The following NALF1 variants were observed in gnomAD, a reference collection of about 807,000 sequenced individuals.
NALF1 encodes the protein family with sequence similarity 155 member A.
Under a neutral mutation model 48.4 loss-of-function variants are expected in NALF1, and 3 were observed. The ratio of observed to expected loss-of-function variants is 0.06; its 90% CI spans 0.03 to 0.16. The LOEUF (loss-of-function observed/expected upper bound fraction) is 0.16, where lower values mean the gene tolerates loss of function less well. Among genes scored for constraint, NALF1 ranks in the 10% least tolerant of loss-of-function variants. The probability of loss-of-function intolerance (pLI) is 1.00; values close to 1 mark genes in which losing one functional copy is unlikely to be tolerated. For synonymous variants in NALF1, 262 were observed against 245.7 expected, an observed-to-expected ratio of 1.07 and a Z score of -0.62; for missense variants, 526 against 571.5, an observed-to-expected ratio of 0.92 and a Z score of 0.81.
chr13:107,568,177 C>T (rs1006596731), intron 1 of NALF1, among the ~76,000 whole-genome samples: 2 of 152,124 alleles, frequency 1.3e-5, no homozygotes, highest in African/African-American at 4.8e-5. Context: ...GATGGAGTCT[C>T]ACCATGGTGC....
At chr13:107,533,115 GAA>G (rs959994310) in intron 1 of NALF1, among the ~76,000 whole-genome samples, 1 of 151,948 alleles carries the variant, frequency 6.6e-6, no homozygotes, top group Non-Finnish European at 1.5e-5. Context: ...ATATCCCCAC[GAA>G]AAGAGAGTTA....
chr13:107,810,458 A>G (rs1478097795), intron 1 of NALF1, among the ~76,000 whole-genome samples: 1 of 152,034 alleles, frequency 6.6e-6, no homozygotes, highest in Non-Finnish European at 1.5e-5. Context: ...ACTACCTGTC[A>G]TCACCTCTAT....
rs183932595 is a variant in NALF1, at chr13:107,417,698, A to T, written c.916-206943T>A. On this transcript the variant is annotated intron_variant, in intron 1 of 2. Transcript: ENST00000375915. ...TCCTGTTTCGTAATATCACCAATGT[A>T]TTAAATGGAAGGATTTTTAAGAATT... 5.7e-4 allele frequency among the ~76,000 whole-genome samples: 87 copies of T among 152,252 alleles called. 1 individual carries two copies. Among genetic ancestry groups the T allele is most frequent in the Non-Finnish European group, 1.1e-3 (72 of 68,016 alleles).
intron 1 of NALF1, among the ~76,000 whole-genome samples, chr13:107,738,573 T>C (rs1385134477): frequency 1.3e-5 from 2 of 152,208 alleles, no homozygotes; most frequent in Non-Finnish European, 2.9e-5. Flanking sequence ...TAAAAGTAGA[T>C]TATTAAAAAC....
intron 1 of NALF1, among the ~76,000 whole-genome samples, chr13:107,470,024 T>C (rs532469658): frequency 6.6e-6 from 1 of 152,078 alleles, no homozygotes; most frequent in East Asian, 1.9e-4. Context: ...ATTACAGGCA[T>C]GAGCCACCAC....
At chr13:107,419,569 G>C (rs1223331034) in intron 1 of NALF1, among the ~76,000 whole-genome samples, 2 of 152,186 alleles carry the variant, frequency 1.3e-5, no homozygotes, top group Non-Finnish European at 2.9e-5. Context: ...TGAGGCACAG[G>C]TGGAAGTCCC....
At chr13:107,830,553 C>T (rs1446134985) in intron 1 of NALF1, among the ~76,000 whole-genome samples, 2 of 152,200 alleles carry the variant, frequency 1.3e-5, no homozygotes, top group Non-Finnish European at 2.9e-5. Flanking sequence ...CACATCTTTT[C>T]ATGTCTTTTG....
chr13:107,252,650 C>T (rs1451540699), intron 1 of NALF1, among the ~76,000 whole-genome samples: 1 of 152,144 alleles, frequency 6.6e-6, no homozygotes. Flanking sequence ...ATCACTAAGG[C>T]CAGTCCACAC....
chr13:107,427,045 T>G (rs9301226), intron 1 of NALF1, among the ~76,000 whole-genome samples: 32,384 of 151,656 alleles, frequency 0.21, 3,920 homozygotes, highest in Non-Finnish European at 0.27. Context: ...TTACCCCAAT[T>G]ATTATTATAT....
intron 1 of NALF1, among the ~76,000 whole-genome samples, chr13:107,513,800 T>G (rs1875971269): frequency 6.6e-6 from 1 of 152,136 alleles, no homozygotes; most frequent in African/African-American, 2.4e-5. Context: ...TAGAAAGAAT[T>G]TTGAGCTGAA....
intron 1 of NALF1, among the ~76,000 whole-genome samples, chr13:107,340,439 C>CCTTTCTCTTTCTTTCTTT (rs1882650682): frequency 9.0e-6 from 1 of 111,242 alleles, no homozygotes; most frequent in Non-Finnish European, 1.9e-5. Context: ...CGGCGCCTGA[C>CCTTTCTCTTTCTTTCTTT]CTTTCTCTTT....
chr13:107,460,257 T>C (rs1884896646), intron 1 of NALF1, among the ~76,000 whole-genome samples: 1 of 152,166 alleles, frequency 6.6e-6, no homozygotes, highest in African/African-American at 2.4e-5. Flanking sequence ...AACCTCCACA[T>C]TTGTCCCCAA....
intron 1 of NALF1, chr13:107,788,923 A>G (rs940202865): frequency 1.3e-5 from 2 of 152,202 alleles, no homozygotes; most frequent in Admixed American, 1.3e-4. Context: ...GGTTGGCCAT[A>G]ATAGAAAGCA....
intron 2 of NALF1, among the ~76,000 whole-genome samples, chr13:107,171,889 A>AT (rs1393653211): frequency 1.3e-5 from 2 of 152,208 alleles, no homozygotes; most frequent in African/African-American, 4.8e-5. Context: ...ATTACATGAG[A>AT]TTTTTCATGT....
At chr13:107,773,866 C>T (rs543145014) in intron 1 of NALF1, among the ~76,000 whole-genome samples, 2 of 151,958 alleles carry the variant, frequency 1.3e-5, no homozygotes, top group African/African-American at 2.4e-5. Context: ...TACCTTAAAA[C>T]ATAAAGTATA....
chr13:107,446,497 A>G (rs185924547), intron 1 of NALF1, among the ~76,000 whole-genome samples: 509 of 152,226 alleles, frequency 3.3e-3, no homozygotes, highest in Non-Finnish European at 4.5e-3. Context: ...TCTAGAATTT[A>G]ACATACTATG....
At position 107,444,918 on chromosome 13, in the gene NALF1, A is replaced by AT. The variant is rs930980943; in HGVS notation, c.916-234164dup. Among the ~76,000 whole-genome samples the AT allele has an allele frequency of 5.3e-4, 81 of 152,230 alleles. 1 individual carries two copies. The highest frequency in any genetic ancestry group is 1.3e-3 in the African/African-American group (56 of 41,524). On this transcript the variant is annotated intron_variant, in intron 1 of 2. Transcript: ENST00000375915. ...TACTCCTACAAACACAGTTGCAGAAATTTTTTTTATATTTTGAAATAATTA... is the reference window on the plus strand; with the variant it reads ...TACTCCTACAAACACAGTTGCAGAAATTTTTTTTTATATTTTGAAATAATTA...
At chr13:107,757,193 G>T (rs890592073) in intron 1 of NALF1, among the ~76,000 whole-genome samples, 3 of 152,144 alleles carry the variant, frequency 2.0e-5, no homozygotes, top group Non-Finnish European at 2.9e-5. Context: ...ACACAGGAAG[G>T]TGTGAAAAGT....
chr13:107,575,106 C>T (rs958380325), intron 1 of NALF1, among the ~76,000 whole-genome samples: 4 of 151,936 alleles, frequency 2.6e-5, no homozygotes, highest in Admixed American at 6.6e-5. Flanking sequence ...CAAGGCCCAC[C>T]GTGAAATTCC....
Sources: gnomAD v4.1 joint callset for allele counts (sites outside exome capture counted in the v4.1 genomes callset) on GRCh38, gnomAD v4.1.1 for gene constraint, MANE v1.5 for transcripts, NCBI Gene and HGNC (gene_info 2026-07-23, HGNC 2026-07-21) for gene names.